The following KLHL8 variants were observed in gnomAD, a reference collection of about 807,000 sequenced individuals.
The protein encoded by KLHL8 is kelch-like protein 8.
A neutral mutation model predicts 63.5 loss-of-function variants in KLHL8; 38 were observed. The observed-to-expected ratio is 0.60, with a 90% confidence interval of 0.46 to 0.78. The LOEUF (loss-of-function observed/expected upper bound fraction) is 0.78. Ranked by LOEUF, KLHL8 falls within the 30% of genes least tolerant of loss-of-function variation. KLHL8 has a pLI of 0.00. For synonymous variants in KLHL8, 224 were observed against 254.3 expected (o/e 0.88, Z 1.13); for missense variants, 566 against 752.4 (o/e 0.75, Z 2.90).
chr4:87,194,274 T>G (rs1731605623), intron 2 of KLHL8, among the ~76,000 whole-genome samples: 1 of 152,206 alleles, frequency 6.6e-6, no homozygotes, highest in South Asian at 2.1e-4. Context: ...CTCTGGAGGA[T>G]GCTGTAACAA....
At chr4:87,202,709 G>A (rs1404925776) in intron 1 of KLHL8, among the ~76,000 whole-genome samples, 1 of 152,080 alleles carries the variant, frequency 6.6e-6, no homozygotes, top group Non-Finnish European at 1.5e-5. Context: ...AAGCACAGAT[G>A]GTTTCACTAC....
chr4:87,227,898 T>C (rs1413561219), intron 1 of KLHL8, among the ~76,000 whole-genome samples: 1 of 152,210 alleles, frequency 6.6e-6, no homozygotes, highest in Non-Finnish European at 1.5e-5. Flanking sequence ...CAGTAAATTA[T>C]GCAACCCTGT....
At chr4:87,174,552 TACAGGCATGAGCC>T (rs1730750014) in intron 6 of KLHL8, among the ~76,000 whole-genome samples, 1 of 152,216 alleles carries the variant, frequency 6.6e-6, no homozygotes, top group South Asian at 2.1e-4. Flanking sequence ...GTGCTGGGAT[TACAGGCATGAGCC>T]ACCATGCCCG....
At chr4:87,209,435 C>T (rs955860825) in intron 1 of KLHL8, among the ~76,000 whole-genome samples, 7 of 151,846 alleles carry the variant, frequency 4.6e-5, no homozygotes, top group African/African-American at 1.7e-4. Context: ...AAAGGCATAT[C>T]GATCAACAAA....
At chr4:87,229,579 A>G (rs943672842) in intron 1 of KLHL8, among the ~76,000 whole-genome samples, 1 of 146,796 alleles carries the variant, frequency 6.8e-6, no homozygotes, top group African/African-American at 2.5e-5. Flanking sequence ...CTACAGGTGC[A>G]TGCCATCATG....
intron 1 of KLHL8, among the ~76,000 whole-genome samples, chr4:87,215,112 G>A (rs1732549359): frequency 6.6e-6 from 1 of 152,108 alleles, no homozygotes; most frequent in South Asian, 2.1e-4. Context: ...ATTTTTTAAG[G>A]TTTAAGTGTA....
chr4:87,191,749 T>C (rs1295669424), intron 2 of KLHL8, among the ~76,000 whole-genome samples: 1 of 151,848 alleles, frequency 6.6e-6, no homozygotes, highest in Non-Finnish European at 1.5e-5. Flanking sequence ...TTTCAATTCA[T>C]ACCCCCACCG....
chr4:87,232,110 TTAAA>T (rs1384350729), intron 1 of KLHL8, among the ~76,000 whole-genome samples: 2 of 152,238 alleles, frequency 1.3e-5, no homozygotes, highest in Admixed American at 6.5e-5. Context: ...AAAAGGATAA[TTAAA>T]TAGAACTGTG....
intron 6 of KLHL8, among the ~76,000 whole-genome samples, chr4:87,172,882 T>C (rs1047877645): frequency 1.3e-5 from 2 of 152,190 alleles, no homozygotes; most frequent in Non-Finnish European, 2.9e-5. Context: ...AATCTGATCC[T>C]ACAATTCCCC....
intron 4 of KLHL8, 32 bp from the exon 5 acceptor site, chr4:87,178,652 C>A: frequency 1.4e-6 from 2 of 1,479,280 alleles, no homozygotes; most frequent in Non-Finnish European, 1.8e-6. Context: ...AGAGATAAAT[C>A]ATAGCTGCCA....
intron 5 of KLHL8, among the ~76,000 whole-genome samples, chr4:87,177,907 A>C (rs1306367713): frequency 6.6e-6 from 1 of 152,198 alleles, no homozygotes; most frequent in Non-Finnish European, 1.5e-5. Flanking sequence ...TCAATAAAAC[A>C]AACAAAAACA....
chr4:87,168,887 C>CAAA (rs1730525123), intron 8 of KLHL8, among the ~76,000 whole-genome samples: 2 of 148,316 alleles, frequency 1.3e-5, no homozygotes, highest in Middle Eastern at 3.2e-3. Flanking sequence ...ATCTTGTTAG[C>CAAA]AATGCCTTTT....
intron 1 of KLHL8, among the ~76,000 whole-genome samples, chr4:87,238,343 T>A (rs1733271602): frequency 6.6e-6 from 1 of 152,230 alleles, no homozygotes; most frequent in South Asian, 2.1e-4. Context: ...TGTTATGTAT[T>A]TTCATAAAGC....
At chr4:87,184,954 A>AT (rs1286976009) in intron 3 of KLHL8, among the ~76,000 whole-genome samples, 4 of 152,198 alleles carry the variant, frequency 2.6e-5, no homozygotes, top group Non-Finnish European at 1.5e-5. Flanking sequence ...TCTTCAAACC[A>AT]TTTTCTATTG....
chr4:87,221,800 T>G (rs1392833275), upstream of KLHL8, among the ~76,000 whole-genome samples: 3 of 152,212 alleles, frequency 2.0e-5, no homozygotes, highest in Non-Finnish European at 4.4e-5. Flanking sequence ...AAATAATTCT[T>G]AATATTTCAA....
upstream of KLHL8, among the ~76,000 whole-genome samples, chr4:87,222,737 C>T (rs1015608101): frequency 1.3e-5 from 2 of 152,188 alleles, no homozygotes; most frequent in African/African-American, 2.4e-5. Context: ...GTGTCTGCCA[C>T]CACGCCCGGC....
At chr4:87,196,340 G>A (rs143992406) in intron 1 of KLHL8, among the ~76,000 whole-genome samples, 1 of 152,044 alleles carries the variant, frequency 6.6e-6, no homozygotes, top group Non-Finnish European at 1.5e-5. Flanking sequence ...TAAAACACTA[G>A]TATAGCTGCC....
intron 1 of KLHL8, among the ~76,000 whole-genome samples, chr4:87,216,430 T>C (rs1424760799): frequency 6.6e-6 from 1 of 152,240 alleles, no homozygotes; most frequent in Non-Finnish European, 1.5e-5. Flanking sequence ...GCCTAGATCA[T>C]TGAAGCTAGT....
At chr4:87,226,928 T>A (rs1374770155) in intron 1 of KLHL8, among the ~76,000 whole-genome samples, 6 of 46,274 alleles carry the variant, frequency 1.3e-4, no homozygotes, top group Non-Finnish European at 2.4e-4. Flanking sequence ...ATATATATAT[T>A]ATATATAAAT....
Sources: gnomAD v4.1 joint callset for allele counts (sites outside exome capture counted in the v4.1 genomes callset) on GRCh38, gnomAD v4.1.1 for gene constraint, MANE v1.5 for transcripts, NCBI Gene and HGNC (gene_info 2026-07-23, HGNC 2026-07-21) for gene names.